CDKN2B-AS1: variants seen among roughly 807,000 people sequenced by gnomAD.
CDKN2B-AS1 encodes CDKN2B and CDKN2A antisense cis and trans regulatory RNA 1.
At chr9:22,015,232 T>TA (rs1352094128) in intron 1 of CDKN2B-AS1, among the ~76,000 whole-genome samples, 1 of 152,192 alleles carries the variant, frequency 6.6e-6, no homozygotes, top group African/African-American at 2.4e-5. Flanking sequence ...ACCAACAGTG[T>TA]AAAAGTGTTC....
intron 1 of CDKN2B-AS1, among the ~76,000 whole-genome samples, chr9:22,038,354 C>T (rs914018139): frequency 5.3e-5 from 8 of 151,732 alleles, no homozygotes; most frequent in East Asian, 3.9e-4. Context: ...ATTATTTACT[C>T]GTTTAATTAT....
chr9:22,002,810 A>G (rs1820980553), intron 1 of CDKN2B-AS1: 1 of 172,110 alleles, frequency 5.8e-6, no homozygotes, highest in African/African-American at 2.4e-5. Flanking sequence ...GGCATAGGAA[A>G]TTTTACATAG....
rs186263240 is a variant in CDKN2B-AS1, at chr9:22,045,745, A to G, written n.30-1006A>G. Among the ~76,000 whole-genome samples, 202 of 152,218 alleles carry G rather than the reference A, an allele frequency of 1.3e-3. 1 individual carries two copies. Among genetic ancestry groups the G allele is most frequent in the African/African-American group, 4.5e-3 (189 of 41,554 alleles). On this transcript the variant is annotated intron_variant and non_coding_transcript_variant, in intron 1 of 4. Transcript: ENST00000650946. ...GGGGTCATATTCTTCACCAAAAACT[A>G]TGTTTATACATATAGACTTAGCAGT...
At chr9:22,002,782 C>A in intron 1 of CDKN2B-AS1, 4 of 159,754 alleles carry the variant, frequency 2.5e-5, no homozygotes, top group Non-Finnish European at 4.1e-5. Context: ...TATGAAATTA[C>A]TAATTTTAAC....
In CDKN2B-AS1 at chr9:21,997,497, G is replaced by GAA. The variant is rs1820740328; in HGVS notation, n.29+2337_29+2338insAA. Among the ~76,000 whole-genome samples the GAA allele has an allele frequency of 6.6e-6, 1 of 152,106 alleles. No homozygotes were observed. The highest frequency in any genetic ancestry group is 2.1e-4 in the South Asian group (1 of 4,804). Reference sequence around the variant, plus strand: ...AGAGGGAGGGAGAGAGAGAGAGAGAGAGAGAGAAAGAGAAAGAGAGAAAAT... The same window carrying GAA: ...AGAGGGAGGGAGAGAGAGAGAGAGAGAAAGAGAGAAAGAGAAAGAGAGAAAAT... On this transcript the variant is annotated intron_variant and non_coding_transcript_variant, in intron 1 of 4. Coordinates refer to ENST00000650946, the Ensembl canonical transcript of CDKN2B-AS1. The surrounding 1 kb of genome is among the most constrained non-coding windows in gnomAD (Gnocchi z 4.8).
chr9:22,106,213 G>A (rs186889234), intron 4 of CDKN2B-AS1, among the ~76,000 whole-genome samples: 4 of 152,262 alleles, frequency 2.6e-5, no homozygotes, highest in Non-Finnish European at 5.9e-5. Context: ...CTCCTGAGTA[G>A]CTGGGAGTAC....
At chr9:22,013,929 T>C (rs1821625244) in intron 1 of CDKN2B-AS1, among the ~76,000 whole-genome samples, 1 of 152,204 alleles carries the variant, frequency 6.6e-6, no homozygotes, top group South Asian at 2.1e-4. Context: ...TAACTTATTA[T>C]TTAGGCCTAG....
chr9:22,103,647 G>GTTATAAAAAGCATAGAGCCTATAA (rs1324488594), intron 4 of CDKN2B-AS1, among the ~76,000 whole-genome samples: 7 of 152,214 alleles, frequency 4.6e-5, no homozygotes, highest in African/African-American at 1.7e-4. Flanking sequence ...TAAGATTAAA[G>GTTATAAAAAGCATAGAGCCTATAA]TTATAAAAAG....
intron 3 of CDKN2B-AS1, among the ~76,000 whole-genome samples, chr9:22,049,865 T>G (rs2131279436): frequency 6.7e-6 from 1 of 149,272 alleles, no homozygotes; most frequent in East Asian, 2.0e-4. Context: ...ATTTAATAAT[T>G]AGTAGCTATT....
chr9:22,043,053 A>T (rs1318683065), intron 1 of CDKN2B-AS1, among the ~76,000 whole-genome samples: 1 of 151,970 alleles, frequency 6.6e-6, no homozygotes, highest in African/African-American at 2.4e-5. Context: ...TTTTCTCTCC[A>T]TCCCCCAAAT....
At chr9:22,060,737 G>A (rs1483477745) in intron 4 of CDKN2B-AS1, among the ~76,000 whole-genome samples, 1 of 152,206 alleles carries the variant, frequency 6.6e-6, no homozygotes, top group Non-Finnish European at 1.5e-5. Context: ...CTTACAGTTA[G>A]TTCCACATGG....
chr9:22,032,048 T>G (rs910612907), intron 1 of CDKN2B-AS1, among the ~76,000 whole-genome samples: 1 of 152,224 alleles, frequency 6.6e-6, no homozygotes, highest in African/African-American at 2.4e-5. Flanking sequence ...AGATTTCAGA[T>G]GAGGCCCCCA....
At position 21,995,648 on chromosome 9, in the gene CDKN2B-AS1, G is replaced by A. The variant is rs1232827265; in HGVS notation, n.29+487G>A. 1 of 152,822 alleles carries A rather than the reference G, an allele frequency of 6.5e-6. No homozygotes were observed. The highest frequency in any genetic ancestry group is 1.5e-5 in the Non-Finnish European group (1 of 68,504). 9.5% of individuals were successfully genotyped at this position (152,822 alleles called of 1,614,324 possible). A position where few individuals can be genotyped will look rare whatever the true frequency, so the allele number is the denominator to read the frequency against. ...TCCTGTTTGGGAACAGTAAAAGCAGGGCAAGGAAAGGAAGGAGCGGCAGAA... is the reference window on the plus strand; with the variant it reads ...TCCTGTTTGGGAACAGTAAAAGCAGAGCAAGGAAAGGAAGGAGCGGCAGAA... On this transcript the variant is annotated intron_variant and non_coding_transcript_variant, in intron 1 of 4. Coordinates refer to ENST00000650946, the Ensembl canonical transcript of CDKN2B-AS1. This position sits in a 1 kb window ranked among gnomAD's most constrained non-coding sequence, Gnocchi z 5.7.
chr9:22,010,976 C>T (rs1821470593), intron 1 of CDKN2B-AS1, among the ~76,000 whole-genome samples: 1 of 152,146 alleles, frequency 6.6e-6, no homozygotes, highest in Non-Finnish European at 1.5e-5. Flanking sequence ...AGGGAAAGAA[C>T]CAATGACTAA....
chr9:22,055,402 C>T (rs1199988919), intron 3 of CDKN2B-AS1, among the ~76,000 whole-genome samples: 1 of 152,036 alleles, frequency 6.6e-6, no homozygotes, highest in Non-Finnish European at 1.5e-5. Context: ...TTGTTTTATC[C>T]TTTGGGCTTT....
intron 4 of CDKN2B-AS1, among the ~76,000 whole-genome samples, chr9:22,083,416 A>G (rs1824765734): frequency 6.6e-6 from 1 of 152,234 alleles, no homozygotes. Context: ...TACCGCTGGG[A>G]CAGAGAGGAA....
At chr9:22,115,199 G>A (rs975886877) in intron 4 of CDKN2B-AS1, among the ~76,000 whole-genome samples, 3 of 152,148 alleles carry the variant, frequency 2.0e-5, no homozygotes, top group African/African-American at 4.8e-5. Flanking sequence ...CTTCCTTGGT[G>A]GCTTAAAGTT....
At position 22,070,195 on chromosome 9, in the gene CDKN2B-AS1, A is replaced by G. The variant is rs559920989; in HGVS notation, n.438+13808A>G. Among the ~76,000 whole-genome samples, 5 of 152,280 alleles carry G rather than the reference A, an allele frequency of 3.3e-5. No individual in the cohort carries two copies. The South Asian group carries it at 6.2e-4, about 19-fold the overall frequency. On this transcript the variant is annotated intron_variant and non_coding_transcript_variant, in intron 4 of 4. Transcript: ENST00000650946. Reference sequence around the variant, plus strand: ...TGCATTATTTTAAATTGTGTTTTAGATGACAGAACAGGAGTCAGTAATGTT... The same window carrying G: ...TGCATTATTTTAAATTGTGTTTTAGGTGACAGAACAGGAGTCAGTAATGTT...
intron 1 of CDKN2B-AS1, among the ~76,000 whole-genome samples, chr9:22,022,414 C>T (rs1041776878): frequency 6.6e-6 from 1 of 151,906 alleles, no homozygotes; most frequent in Admixed American, 6.6e-5. Flanking sequence ...TAATGCGTTT[C>T]TTTGTCTTTT....
Sources: gnomAD v4.1 joint callset for allele counts (sites outside exome capture counted in the v4.1 genomes callset) on GRCh38, gnomAD v4.1.1 for gene constraint, Gnocchi (gnomAD v3.1) non-coding constraint, MANE v1.5 for transcripts, NCBI Gene and HGNC (gene_info 2026-07-23, HGNC 2026-07-21) for gene names.